The following PRKAR1B variants were observed in gnomAD, a reference collection of about 807,000 sequenced individuals.
PRKAR1B encodes cAMP-dependent protein kinase type I-beta regulatory subunit.
PRKAR1B carries 22 observed loss-of-function variants against 46.5 expected under a neutral mutation model. The ratio of observed to expected loss-of-function variants is 0.47; its 90% CI spans 0.34 to 0.68. PRKAR1B has a LOEUF of 0.68. Ranked by LOEUF, PRKAR1B falls within the 30% of genes least tolerant of loss-of-function variation. The pLI is 0.01. For missense variants in PRKAR1B, 445 were observed against 535.6 expected (o/e 0.83, Z 1.67); for synonymous variants, 259 against 217.7 (o/e 1.19, Z -1.67).
chr7:619,781 A>G (rs928542741), intron 4 of PRKAR1B, among the ~76,000 whole-genome samples: 2 of 152,206 alleles, frequency 1.3e-5, no homozygotes, highest in African/African-American at 4.8e-5. Context: ...TTCTGTTTCA[A>G]AGATGACTTA....
intron 2 of PRKAR1B, among the ~76,000 whole-genome samples, chr7:701,568 C>T (rs1780071258): frequency 6.6e-6 from 1 of 152,138 alleles, no homozygotes. Flanking sequence ...GAAAATCAAA[C>T]TCAGACACAT....
At position 727,174 on chromosome 7, in the gene PRKAR1B, G is replaced by T. The variant is rs981760144; in HGVS notation, c.-23+36C>A. 2.3e-6 allele frequency: 3 copies of T among 1,329,058 alleles called. No individual in the cohort carries two copies. Among genetic ancestry groups the T allele is most frequent in the African/African-American group, 3.1e-5 (2 of 64,550 alleles). 82.3% of individuals were successfully genotyped at this position (1,329,058 alleles called of 1,614,324 possible). A position where few individuals can be genotyped will look rare whatever the true frequency, so the allele number is the denominator to read the frequency against. ...GGCGCTTGTGCAGCTGCTGGGCCTGGCCGTGGACCTGTGCGGCGCCGCGCT... is the reference window on the plus strand; with the variant it reads ...GGCGCTTGTGCAGCTGCTGGGCCTGTCCGTGGACCTGTGCGGCGCCGCGCT... On this transcript the variant is annotated intron_variant, in intron 1 of 10. Transcript: ENST00000537384.
At position 562,693 on chromosome 7, in the gene PRKAR1B, A is replaced by C. The variant is rs375639859; in HGVS notation, c.892-11223T>G. Reference sequence around the variant, plus strand: ...AGCTCTTAAAGGGTCTCTGTCACACACAGATCACAACCAATCTGCCCATCA... The same window carrying C: ...AGCTCTTAAAGGGTCTCTGTCACACCCAGATCACAACCAATCTGCCCATCA... On this transcript the variant is annotated intron_variant, in intron 9 of 10. Transcript: ENST00000537384. Among the ~76,000 whole-genome samples the C allele has an allele frequency of 4.6e-5, 7 of 152,258 alleles. No individual in the cohort carries two copies. The East Asian group carries it at 9.7e-4, about 21-fold the overall frequency.
chr7:706,422 A>AGTTTTTTTTTTTTTT, intron 2 of PRKAR1B, among the ~76,000 whole-genome samples: 1 of 102,312 alleles, frequency 9.8e-6, no homozygotes, highest in East Asian at 2.8e-4. Context: ...CAAATAAGGA[A>AGTTTTTTTTTTTTTT]TTTTTTTTTT....
At chr7:728,907 A>G (rs1446506907), upstream of PRKAR1B, among the ~76,000 whole-genome samples, 1 of 151,324 alleles carries the variant, frequency 6.6e-6, no homozygotes, top group Admixed American at 6.6e-5. Context: ...CCAAAGTCTC[A>G]CTGGAATAGC....
chr7:584,742 A>G (rs1425763626), intron 7 of PRKAR1B, among the ~76,000 whole-genome samples, 174 bp from the exon 8 acceptor site: 2 of 152,102 alleles, frequency 1.3e-5, no homozygotes, highest in African/African-American at 4.8e-5. Context: ...ACGGTGTCCT[A>G]TGCCCCCCAC....
intron 4 of PRKAR1B, among the ~76,000 whole-genome samples, chr7:610,902 A>C (rs1479996414): frequency 6.6e-6 from 1 of 152,236 alleles, no homozygotes; most frequent in Admixed American, 6.5e-5. Flanking sequence ...ACAGCTTCGC[A>C]CTTCTGCATC....
At chr7:647,805 C>CAA (rs769761277) in intron 4 of PRKAR1B, among the ~76,000 whole-genome samples, 922 of 17,866 alleles carry the variant, frequency 0.052, 69 homozygotes, top group Non-Finnish European at 0.074. Context: ...ACTTCGTCTC[C>CAA]AAAAAAAAAA....
intron 1 of PRKAR1B, among the ~76,000 whole-genome samples, chr7:718,635 A>T (rs1780967684): frequency 6.6e-6 from 1 of 151,742 alleles, no homozygotes; most frequent in Non-Finnish European, 1.5e-5. Flanking sequence ...GGGATTATAG[A>T]CGTGAGCCAC....
In PRKAR1B at chr7:719,367, G is replaced by A. The variant is rs147642095; in HGVS notation, c.-22-7840C>T. Reference sequence around the variant, plus strand: ...AATTTTGTATTCTTTTTGTAGAGATGGGGGTCTCACTATGTTGCCCAGGCT... The same window carrying A: ...AATTTTGTATTCTTTTTGTAGAGATAGGGGTCTCACTATGTTGCCCAGGCT... On this transcript the variant is annotated intron_variant, in intron 1 of 10. Transcript: ENST00000537384. Among the ~76,000 whole-genome samples the A allele has an allele frequency of 5.4e-3, 818 of 151,924 alleles. 7 individuals are homozygous for A. Among genetic ancestry groups the A allele is most frequent in the African/African-American group, 0.019 (781 of 41,424 alleles).
At chr7:561,619 C>A (rs1035747088) in intron 9 of PRKAR1B, among the ~76,000 whole-genome samples, 1 of 152,212 alleles carries the variant, frequency 6.6e-6, no homozygotes, top group African/African-American at 2.4e-5. Flanking sequence ...CTCCTCAGGC[C>A]CGGCTGGCCG....
chr7:577,517 G>A (rs1256767723), intron 9 of PRKAR1B, among the ~76,000 whole-genome samples: 3 of 152,166 alleles, frequency 2.0e-5, no homozygotes. Context: ...TAGCTCTGCA[G>A]AGCCGGGCAG....
rs762096080 is a variant in PRKAR1B at position 567,881 on chromosome 7, G to A, written c.891+11375C>T. 3.4e-4 allele frequency among the ~76,000 whole-genome samples: 52 copies of A among 152,246 alleles called. No individual in the cohort carries two copies. The Middle Eastern group carries it at 0.017, about 50-fold the overall frequency. On this transcript the variant is annotated intron_variant, in intron 9 of 10. Coordinates refer to ENST00000537384, the MANE Select transcript of PRKAR1B (RefSeq NM_001164760.2). ...CTACTTTCTAGAAGGGCTGGGAGAG[G>A]GGGGTGGGGAGTGTGTGTTTGGTGG...
chr7:699,272 C>A (rs1779934076), intron 2 of PRKAR1B, among the ~76,000 whole-genome samples: 1 of 152,194 alleles, frequency 6.6e-6, no homozygotes, highest in African/African-American at 2.4e-5. Flanking sequence ...ATGTAAATAT[C>A]TCATCTGGCC....
intron 8 of PRKAR1B, among the ~76,000 whole-genome samples, chr7:581,531 G>A (rs1370501972): frequency 1.3e-5 from 2 of 152,286 alleles, no homozygotes; most frequent in African/African-American, 4.8e-5. Context: ...GTAATACGAG[G>A]CATCTCATTT....
At chr7:720,037 G>A (rs867017152) in intron 1 of PRKAR1B, among the ~76,000 whole-genome samples, 14 of 148,374 alleles carry the variant, frequency 9.4e-5, no homozygotes, top group Admixed American at 2.0e-4. Flanking sequence ...CAGAGAAGGC[G>A]TTCTGTGCAA....
intron 4 of PRKAR1B, among the ~76,000 whole-genome samples, chr7:611,422 G>A (rs905723050): frequency 6.6e-6 from 1 of 152,246 alleles, no homozygotes; most frequent in Non-Finnish European, 1.5e-5. Flanking sequence ...GTGGTGCTGG[G>A]TCAGGACAGT....
intron 9 of PRKAR1B, among the ~76,000 whole-genome samples, chr7:573,779 G>A (rs778920341): frequency 2.6e-5 from 4 of 152,204 alleles, no homozygotes; most frequent in Non-Finnish European, 4.4e-5. Context: ...CTGGGATCGC[G>A]GAGTCGGGCA....
intron 4 of PRKAR1B, among the ~76,000 whole-genome samples, chr7:675,991 T>C (rs1786558851): frequency 1.3e-5 from 2 of 151,682 alleles, no homozygotes; most frequent in South Asian, 4.2e-4. Flanking sequence ...ACAGCCGCAG[T>C]AGGAAAACAG....
Sources: allele counts gnomAD v4.1 joint callset (sites outside exome capture counted in the v4.1 genomes callset), GRCh38; gene constraint gnomAD v4.1.1; transcripts MANE v1.5; gene names NCBI Gene and HGNC (gene_info 2026-07-23, HGNC 2026-07-21).